FAM13A: variants seen among roughly 807,000 people sequenced by gnomAD.
The protein encoded by FAM13A is protein FAM13A.
A neutral mutation model predicts 129.6 loss-of-function variants in FAM13A; 76 were observed. That is an observed-to-expected ratio of 0.59 (90% CI 0.49 to 0.71). The LOEUF is 0.71. FAM13A is among the 30% of genes least tolerant of loss of function. FAM13A has a pLI of 0.00. For synonymous variants in FAM13A, 443 were observed against 449.9 expected (o/e 0.98, Z 0.20); for missense variants, 1,108 against 1,249.3 (o/e 0.89, Z 1.70).
At chr4:88,945,049 A>G (rs1454450860) in intron 4 of FAM13A, among the ~76,000 whole-genome samples, 4 of 152,190 alleles carry the variant, frequency 2.6e-5, no homozygotes, top group Non-Finnish European at 1.5e-5. Context: ...TTTGCAAACA[A>G]ATTAGTCTTA....
intron 10 of FAM13A, 54 bp downstream of exon 10, chr4:88,787,699 A>G (rs11725153): frequency 0.24 from 372,840 of 1,558,184 alleles, 49,300 homozygotes; most frequent in Non-Finnish European, 0.27. Flanking sequence ...TTGGGTGTAT[A>G]TTTCTTTTAA....
At chr4:88,847,108 T>G (rs999292792) in intron 7 of FAM13A, among the ~76,000 whole-genome samples, 1 of 152,216 alleles carries the variant, frequency 6.6e-6, no homozygotes, top group African/African-American at 2.4e-5. Flanking sequence ...ATACAGTAGA[T>G]CTATGGATAG....
intron 3 of FAM13A, among the ~76,000 whole-genome samples, chr4:88,999,670 C>T (rs1328389285): frequency 6.6e-6 from 1 of 152,082 alleles, no homozygotes; most frequent in African/African-American, 2.4e-5. Flanking sequence ...TGAGTTAAAC[C>T]AAGCCCAGAG....
At chr4:88,833,978 G>A (rs1014131019) in intron 7 of FAM13A, among the ~76,000 whole-genome samples, 25 of 150,726 alleles carry the variant, frequency 1.7e-4, no homozygotes, top group African/African-American at 5.9e-4. Context: ...TGAGACCTCC[G>A]TCTCCCAGAC....
intron 4 of FAM13A, among the ~76,000 whole-genome samples, chr4:88,943,368 GGATATGTTATT>G (rs1456737418): frequency 6.6e-6 from 1 of 152,154 alleles, no homozygotes; most frequent in Non-Finnish European, 1.5e-5. Flanking sequence ...CCAATTGTAT[GGATATGTTATT>G]GATATGTGCT....
In FAM13A at chr4:88,922,822, A is replaced by G. The variant is rs1334927501; in HGVS notation, c.759+15266T>C. On this transcript the variant is annotated intron_variant, in intron 5 of 23. Coordinates refer to ENST00000264344, the MANE Select transcript of FAM13A (RefSeq NM_014883.4). ...CCGCTAGCAGACTAATAAAGAAAAAAAGAGAGAAGAATCAAATAGACGCAA... is the reference window on the plus strand; with the variant it reads ...CCGCTAGCAGACTAATAAAGAAAAAGAGAGAGAAGAATCAAATAGACGCAA... Among the ~76,000 whole-genome samples, 6 of 152,338 alleles carry G rather than the reference A, an allele frequency of 3.9e-5. No individual in the cohort carries two copies. In the East Asian group the frequency reaches 1.2e-3, roughly 29 times the overall value.
At chr4:89,015,428 C>T (rs534845005) in intron 3 of FAM13A, among the ~76,000 whole-genome samples, 3 of 152,264 alleles carry the variant, frequency 2.0e-5, no homozygotes, top group Admixed American at 6.5e-5. Flanking sequence ...ATGTCTCCCC[C>T]GGACACCCAG....
rs149537219 is a variant in FAM13A, at chr4:88,926,720, A to G, written c.759+11368T>C. Among the ~76,000 whole-genome samples the G allele has an allele frequency of 8.5e-5, 13 of 152,352 alleles. No individual in the cohort carries two copies. The East Asian group carries it at 2.5e-3, about 29-fold the overall frequency. On this transcript the variant is annotated intron_variant, in intron 5 of 23. Transcript: ENST00000264344. ...GTAAATATATGAGTATGATCTAAAAATTGGAGCCATAAAGCATTCCAAACT... is the reference window on the plus strand; with the variant it reads ...GTAAATATATGAGTATGATCTAAAAGTTGGAGCCATAAAGCATTCCAAACT...
At chr4:89,028,558 GA>G (rs756523713) in intron 2 of FAM13A, among the ~76,000 whole-genome samples, 1 of 152,032 alleles carries the variant, frequency 6.6e-6, no homozygotes, top group Non-Finnish European at 1.5e-5. Context: ...CAGTGTGGCA[GA>G]ACACACCTGT....
At chr4:88,874,800 C>T (rs973124961) in intron 6 of FAM13A, among the ~76,000 whole-genome samples, 1 of 152,168 alleles carries the variant, frequency 6.6e-6, no homozygotes, top group African/African-American at 2.4e-5. Context: ...CTTTAAAGTT[C>T]ATATGGAACC....
intron 6 of FAM13A, among the ~76,000 whole-genome samples, chr4:88,900,684 T>TA: frequency 6.6e-6 from 1 of 151,934 alleles, no homozygotes; most frequent in Non-Finnish European, 1.5e-5. Flanking sequence ...TACCAGCCAA[T>TA]ACAAAACCAC....
chr4:88,955,262 T>C (rs2148892377), intron 4 of FAM13A, among the ~76,000 whole-genome samples: 1 of 152,258 alleles, frequency 6.6e-6, no homozygotes, highest in Admixed American at 6.5e-5. Context: ...TCAGTTTTGA[T>C]AACAACAGAG....
At chr4:88,976,284 C>A (rs537192068) in intron 4 of FAM13A, among the ~76,000 whole-genome samples, 46 of 152,256 alleles carry the variant, frequency 3.0e-4, no homozygotes, top group African/African-American at 9.9e-4. Context: ...TGCTTAATCA[C>A]TGCATTCTCA....
chr4:88,734,792 G>T lies in FAM13A; in HGVS notation c.2647-2594C>A, dbSNP rs528776504. Among the ~76,000 whole-genome samples, 6 of 152,330 alleles carry T rather than the reference G, an allele frequency of 3.9e-5. No individual in the cohort carries two copies. In the East Asian group the frequency reaches 1.2e-3, roughly 29 times the overall value. On this transcript the variant is annotated intron_variant, in intron 21 of 23. Coordinates refer to ENST00000264344, the MANE Select transcript of FAM13A (RefSeq NM_014883.4). The stretch of plus-strand genomic sequence containing the variant: ...TGCACAACAGTTACCCAGCCCCAAA[G>T]GTCAGCAGTGCTGAGGCTGAGACAC...
At chr4:88,899,610 A>G (rs1250580462) in intron 6 of FAM13A, among the ~76,000 whole-genome samples, 1 of 152,156 alleles carries the variant, frequency 6.6e-6, no homozygotes, top group Non-Finnish European at 1.5e-5. Flanking sequence ...GTGACAGGCT[A>G]TAAAACTAAT....
intron 4 of FAM13A, among the ~76,000 whole-genome samples, chr4:88,975,526 C>T (rs949470555): frequency 1.3e-5 from 2 of 152,264 alleles, no homozygotes; most frequent in Non-Finnish European, 2.9e-5. Context: ...CAAGATTACT[C>T]TTGAGTAAGA....
chr4:88,933,359 C>T (rs1180394772), intron 5 of FAM13A, among the ~76,000 whole-genome samples: 1 of 152,108 alleles, frequency 6.6e-6, no homozygotes, highest in Admixed American at 6.5e-5. Context: ...AGACTACTGT[C>T]CCCCTCAATA....
At chr4:89,039,138 C>A (rs1007402925) in intron 1 of FAM13A, among the ~76,000 whole-genome samples, 1 of 151,876 alleles carries the variant, frequency 6.6e-6, no homozygotes, top group African/African-American at 2.4e-5. Context: ...AATACAAAAG[C>A]TAGAAGAAAA....
chr4:88,961,756 T>C (rs376032382), intron 4 of FAM13A, among the ~76,000 whole-genome samples: 2 of 152,142 alleles, frequency 1.3e-5, no homozygotes, highest in East Asian at 1.9e-4. Flanking sequence ...CTGTATCTCA[T>C]AGACAAAGAC....
Sources: gnomAD v4.1 joint callset for allele counts (sites outside exome capture counted in the v4.1 genomes callset) on GRCh38, gnomAD v4.1.1 for gene constraint, MANE v1.5 for transcripts, NCBI Gene and HGNC (gene_info 2026-07-23, HGNC 2026-07-21) for gene names.